MAML3: variants seen among roughly 807,000 people sequenced by gnomAD.
The protein encoded by MAML3 is mastermind like transcriptional coactivator 3.
Under a neutral mutation model 101.9 loss-of-function variants are expected in MAML3, and 27 were observed. The ratio of observed to expected loss-of-function variants is 0.27; its 90% CI spans 0.20 to 0.37. The LOEUF is 0.37. MAML3 is among the 10% of genes least tolerant of loss of function. The probability of loss-of-function intolerance (pLI) is 1.00; values close to 1 mark genes in which losing one functional copy is unlikely to be tolerated. For missense variants in MAML3, 1,316 were observed against 1,444.9 expected, an observed-to-expected ratio of 0.91 and a Z score of 1.45; for synonymous variants, 501 against 555.9, an observed-to-expected ratio of 0.90 and a Z score of 1.39.
intron 1 of MAML3, among the ~76,000 whole-genome samples, chr4:139,925,298 C>T (rs1310699824): frequency 6.6e-6 from 1 of 152,156 alleles, no homozygotes; most frequent in Non-Finnish European, 1.5e-5. Flanking sequence ...GGTGCAATCT[C>T]ATCTCACTGC....
At position 139,718,965 on chromosome 4, in the gene MAML3, T is replaced by TC. The variant is rs1427750810; in HGVS notation, c.*357dup. 2 of 217,452 alleles carry TC rather than the reference T, an allele frequency of 9.2e-6. No individual in the cohort carries two copies. Among genetic ancestry groups the TC allele is most frequent in the African/African-American group, 4.6e-5 (2 of 43,458 alleles). 13.5% of individuals were successfully genotyped at this position (217,452 alleles called of 1,614,324 possible). A position where few individuals can be genotyped will look rare whatever the true frequency, so the allele number is the denominator to read the frequency against. On this transcript the variant is annotated 3_prime_UTR_variant, in exon 5 of 5. Coordinates refer to ENST00000509479, the MANE Select transcript of MAML3 (RefSeq NM_018717.5). Reference sequence around the variant, plus strand: ...GGGCAGGAGGGGCTGAGGATACCTCTCTTGGGTAATAGTCCCTCTCGGCTG... The same window carrying TC: ...GGGCAGGAGGGGCTGAGGATACCTCTCCTTGGGTAATAGTCCCTCTCGGCTG...
intron 1 of MAML3, among the ~76,000 whole-genome samples, chr4:139,963,427 G>A (rs1272726202): frequency 1.3e-5 from 2 of 152,130 alleles, no homozygotes; most frequent in Non-Finnish European, 2.9e-5. Context: ...AGTAGCAAGG[G>A]TACAAAAACT....
chr4:139,837,310 CA>C (rs1731272364), intron 2 of MAML3, among the ~76,000 whole-genome samples: 2 of 151,562 alleles, frequency 1.3e-5, no homozygotes, highest in African/African-American at 4.9e-5. Flanking sequence ...TCCTGGCTAA[CA>C]CGGTGAAACC....
intron 1 of MAML3, among the ~76,000 whole-genome samples, chr4:139,927,143 C>T (rs560605498): frequency 1.0e-4 from 15 of 144,982 alleles, no homozygotes; most frequent in Admixed American, 5.6e-4. Flanking sequence ...AGGTTGGTCT[C>T]GAACTCCTGA....
At chr4:139,799,111 C>G (rs1240060910) in intron 2 of MAML3, among the ~76,000 whole-genome samples, 2 of 152,168 alleles carry the variant, frequency 1.3e-5, no homozygotes, top group African/African-American at 2.4e-5. Flanking sequence ...CATTCCAACT[C>G]TAGCCAGCCT....
chr4:139,861,295 T>C (rs1731778191), intron 2 of MAML3, among the ~76,000 whole-genome samples: 1 of 152,144 alleles, frequency 6.6e-6, no homozygotes, highest in Non-Finnish European at 1.5e-5. Context: ...TATCCTCAAC[T>C]CATTCTCTTC....
intron 1 of MAML3, among the ~76,000 whole-genome samples, chr4:140,063,852 GC>G (rs1403056856): frequency 2.0e-5 from 3 of 151,842 alleles, no homozygotes; most frequent in Non-Finnish European, 4.4e-5. Context: ...CCAAGATTTT[GC>G]TAAACATACG....
intron 1 of MAML3, among the ~76,000 whole-genome samples, chr4:139,913,658 G>C (rs1732973820): frequency 6.6e-6 from 1 of 152,132 alleles, no homozygotes; most frequent in African/African-American, 2.4e-5. Flanking sequence ...AGGGGCTGTG[G>C]GGGTGTCAGC....
At chr4:139,756,312 A>G (rs1354602366) in intron 2 of MAML3, among the ~76,000 whole-genome samples, 1 of 152,224 alleles carries the variant, frequency 6.6e-6, no homozygotes, top group African/African-American at 2.4e-5. Flanking sequence ...AGTCCATGGT[A>G]TTGAATAAAA....
chr4:139,904,327 A>G lies in MAML3; in HGVS notation c.469-13360T>C, dbSNP rs1321651475. Among the ~76,000 whole-genome samples, 5 of 152,230 alleles carry G rather than the reference A, an allele frequency of 3.3e-5. No homozygotes were observed. The East Asian group carries it at 9.6e-4, about 29-fold the overall frequency. On this transcript the variant is annotated intron_variant, in intron 1 of 4. Coordinates refer to ENST00000509479, the MANE Select transcript of MAML3 (RefSeq NM_018717.5). The stretch of plus-strand genomic sequence containing the variant: ...CTTAGATGGGTTTGGCTCTCAATTG[A>G]TATTTTAAAGGAATATTTTGCACAA...
intron 1 of MAML3, among the ~76,000 whole-genome samples, chr4:140,020,949 C>T (rs991175021): frequency 5.3e-5 from 8 of 152,028 alleles, no homozygotes; most frequent in Admixed American, 1.3e-4. Context: ...CTGATAGTTG[C>T]AAAAAACTGC....
intron 2 of MAML3, among the ~76,000 whole-genome samples, chr4:139,799,167 T>C (rs1352590021): frequency 2.0e-5 from 3 of 152,224 alleles, no homozygotes; most frequent in Non-Finnish European, 4.4e-5. Flanking sequence ...GGTGAGAACA[T>C]TGAAAAGCAT....
chr4:140,111,121 T>G (rs1728432488), intron 1 of MAML3, among the ~76,000 whole-genome samples: 2 of 152,210 alleles, frequency 1.3e-5, no homozygotes. Context: ...TGCTATGTAT[T>G]AAACATGGCA....
At chr4:139,839,245 C>T (rs553360478) in intron 2 of MAML3, among the ~76,000 whole-genome samples, 47 of 152,230 alleles carry the variant, frequency 3.1e-4, no homozygotes, top group East Asian at 1.4e-3. Context: ...ACAGCAGCAC[C>T]GGATCCTCTG....
At chr4:139,943,576 G>A (rs914989647) in intron 1 of MAML3, among the ~76,000 whole-genome samples, 1 of 152,112 alleles carries the variant, frequency 6.6e-6, no homozygotes, top group Non-Finnish European at 1.5e-5. Flanking sequence ...GCCAGCTCTG[G>A]ATCCAAGTGA....
chr4:139,973,415 C>T (rs571698135), intron 1 of MAML3, among the ~76,000 whole-genome samples: 1 of 152,078 alleles, frequency 6.6e-6, no homozygotes, highest in African/African-American at 2.4e-5. Flanking sequence ...AATCTATCGG[C>T]GAAGATTAAA....
At chr4:139,781,642 G>A (rs1180885795) in intron 2 of MAML3, among the ~76,000 whole-genome samples, 1 of 152,134 alleles carries the variant, frequency 6.6e-6, no homozygotes, top group South Asian at 2.1e-4. Flanking sequence ...TGGGCAAAGA[G>A]GGGAGAATGT....
chr4:139,957,526 CAGGA>C (rs1733935726), intron 1 of MAML3, among the ~76,000 whole-genome samples: 1 of 152,180 alleles, frequency 6.6e-6, no homozygotes, highest in Non-Finnish European at 1.5e-5. Context: ...CATCTAAATA[CAGGA>C]TAATGCCTGT....
At chr4:139,947,457 A>C (rs2110751012) in intron 1 of MAML3, among the ~76,000 whole-genome samples, 1 of 152,306 alleles carries the variant, frequency 6.6e-6, no homozygotes. Context: ...GTCTGGTTTC[A>C]TGTAACACTA....
Sources: gnomAD v4.1 joint callset for allele counts (sites outside exome capture counted in the v4.1 genomes callset) on GRCh38, gnomAD v4.1.1 for gene constraint, MANE v1.5 for transcripts, NCBI Gene and HGNC (gene_info 2026-07-23, HGNC 2026-07-21) for gene names.